CCND3: variants seen among roughly 807,000 people sequenced by gnomAD.
CCND3 encodes the protein cyclin D3.
Under a neutral mutation model 28.7 loss-of-function variants are expected in CCND3, and 9 were observed. The ratio of observed to expected loss-of-function variants is 0.31; its 90% CI spans 0.19 to 0.55. The LOEUF (loss-of-function observed/expected upper bound fraction) is 0.55. Ranked by LOEUF, CCND3 falls within the 20% of genes least tolerant of loss-of-function variation. The pLI, the probability that CCND3 is intolerant of heterozygous loss-of-function variation, is 0.93. For missense variants in CCND3, 315 were observed against 385.8 expected (o/e 0.82, Z 1.54); for synonymous variants, 164 against 163.9 (o/e 1.00, Z 0.00).
intron 1 of CCND3, among the ~76,000 whole-genome samples, chr6:42,038,672 T>C (rs1430438772): frequency 1.3e-5 from 2 of 152,078 alleles, no homozygotes; most frequent in South Asian, 2.1e-4. Context: ...AGAAAAAGAA[T>C]AAGAAATAAG....
At chr6:41,980,297 G>A (rs1762308016) in intron 1 of CCND3, among the ~76,000 whole-genome samples, 3 of 151,932 alleles carry the variant, frequency 2.0e-5, no homozygotes, top group Non-Finnish European at 4.4e-5. Context: ...CACCACTCCT[G>A]GCTAATTTTT....
chr6:41,946,144 G>A (rs1776162074), upstream of CCND3, among the ~76,000 whole-genome samples: 1 of 152,130 alleles, frequency 6.6e-6, no homozygotes, highest in South Asian at 2.1e-4. Flanking sequence ...CCACCTCTCT[G>A]TGCCTCAGTT....
intron 1 of CCND3, among the ~76,000 whole-genome samples, chr6:41,999,705 T>G (rs4711695): frequency 0.98 from 149,063 of 152,134 alleles, 73,095 homozygotes; most frequent in East Asian, 1. Flanking sequence ...GATCAGCCTG[T>G]CAACATAGTG....
intron 1 of CCND3, among the ~76,000 whole-genome samples, chr6:42,037,679 A>G (rs1043028916): frequency 1.3e-5 from 2 of 152,192 alleles, no homozygotes; most frequent in East Asian, 3.8e-4. Flanking sequence ...TCAAAAGCTT[A>G]TATTATTTAT....
intron 1 of CCND3, among the ~76,000 whole-genome samples, chr6:42,019,000 A>G (rs993219354): frequency 6.6e-6 from 1 of 152,150 alleles, no homozygotes; most frequent in Non-Finnish European, 1.5e-5. Context: ...TTGATTAATC[A>G]ATGGAACATT....
chr6:41,953,078 C>A (rs1776352443), intron 1 of CCND3, among the ~76,000 whole-genome samples: 1 of 152,050 alleles, frequency 6.6e-6, no homozygotes, highest in Non-Finnish European at 1.5e-5. Flanking sequence ...TTAAGACCAG[C>A]CTGGCCGATA....
intron 1 of CCND3, among the ~76,000 whole-genome samples, chr6:41,976,595 G>A (rs1216141632): frequency 2.0e-5 from 3 of 152,240 alleles, no homozygotes; most frequent in African/African-American, 7.2e-5. Context: ...CAAGGCTACC[G>A]TGAGCCGTGA....
chr6:42,016,597 T>TTA (rs2127430877), intron 1 of CCND3, among the ~76,000 whole-genome samples: 1 of 148,740 alleles, frequency 6.7e-6, no homozygotes, highest in Admixed American at 6.7e-5. Context: ...CTATTACTTT[T>TTA]TTTTTTTTTT....
At chr6:41,972,097 G>A (rs753433130) in intron 1 of CCND3, among the ~76,000 whole-genome samples, 8 of 150,598 alleles carry the variant, frequency 5.3e-5, no homozygotes, top group Non-Finnish European at 8.9e-5. Context: ...GCGTGGTGGC[G>A]GGCGCCTATA....
intron 1 of CCND3, among the ~76,000 whole-genome samples, chr6:41,980,010 T>TCACACACACACACACA (rs58375638): frequency 0.071 from 9,712 of 137,066 alleles, 464 homozygotes; most frequent in Middle Eastern, 0.13. Context: ...GCTTTCAAAA[T>TCACACACACACACACA]CACACACACA....
Position 41,941,129 on chromosome 6 carries a change from A to T in CCND3, c.198+323T>A. ...AGGGTTTTCCAGGCGCGCTCTCCGG[A>T]GAAGGCCGGGAGGCGGAGGGAAGCG... On this transcript the variant is annotated intron_variant, in intron 1 of 4. Coordinates refer to ENST00000372991, the MANE Select transcript of CCND3 (RefSeq NM_001760.5). This position sits in a 1 kb window ranked among gnomAD's most constrained non-coding sequence, Gnocchi z 6.1. 6.7e-7 allele frequency: 1 copy of T among 1,496,978 alleles called. No homozygotes were observed. Among genetic ancestry groups the T allele is most frequent in the Non-Finnish European group, 8.9e-7 (1 of 1,127,898 alleles). The allele number at this position is 1,496,978 out of a possible 1,614,324, so 92.7% of individuals were successfully genotyped here. A position where few individuals can be genotyped will look rare whatever the true frequency, so the allele number is the denominator to read the frequency against.
intron 1 of CCND3, among the ~76,000 whole-genome samples, chr6:42,042,391 GTTC>G (rs1387038157): frequency 2.0e-5 from 3 of 148,638 alleles, no homozygotes; most frequent in African/African-American, 7.5e-5. Flanking sequence ...ACGGAGTTCC[GTTC>G]TTCTTGCCCA....
chr6:41,941,420 C>G lies in CCND3; in HGVS notation c.198+32G>C. 1 of 1,600,796 alleles carries G rather than the reference C, an allele frequency of 6.2e-7. No individual in the cohort carries two copies. Among genetic ancestry groups the G allele is most frequent in the Non-Finnish European group, 8.5e-7 (1 of 1,175,802 alleles). ...GCCCCGGTGTGTCCAGACCCGGGAGCGGTGGGGGAGGGGGACGCGTCCGGG... is the reference window on the plus strand; with the variant it reads ...GCCCCGGTGTGTCCAGACCCGGGAGGGGTGGGGGAGGGGGACGCGTCCGGG... On this transcript the variant is annotated intron_variant, in intron 1 of 4. Coordinates refer to ENST00000372991, the MANE Select transcript of CCND3 (RefSeq NM_001760.5). This position sits in a 1 kb window ranked among gnomAD's most constrained non-coding sequence, Gnocchi z 6.1.
At position 41,935,756 on chromosome 6, in the gene CCND3, G is replaced by A. The variant is rs1242060492; in HGVS notation, c.*184C>T. On this transcript the variant is annotated 3_prime_UTR_variant, in exon 5 of 5. Transcript: ENST00000372991. ...GAGCTTGACTAGCCACCGAAATGCAGACATGGCTGGCCGGGCCCCTTAGTG... is the reference window on the plus strand; with the variant it reads ...GAGCTTGACTAGCCACCGAAATGCAAACATGGCTGGCCGGGCCCCTTAGTG... 4 of 592,914 alleles carry A rather than the reference G, an allele frequency of 6.7e-6. No homozygotes were observed. Among genetic ancestry groups the A allele is most frequent in the Non-Finnish European group, 1.2e-5 (4 of 333,754 alleles). 36.7% of individuals were successfully genotyped at this position (592,914 alleles called of 1,614,324 possible). A position where few individuals can be genotyped will look rare whatever the true frequency, so the allele number is the denominator to read the frequency against.
At chr6:42,045,039 C>T (rs1370612610) in intron 1 of CCND3, among the ~76,000 whole-genome samples, 1 of 149,930 alleles carries the variant, frequency 6.7e-6, no homozygotes, top group Non-Finnish European at 1.5e-5. Context: ...CTGCTGACCT[C>T]GTGATCCGCC....
In CCND3 at chr6:41,970,515, T is replaced by C. The variant is rs984936898; in HGVS notation, c.-45-29930A>G. 2.0e-5 allele frequency among the ~76,000 whole-genome samples: 3 copies of C among 152,264 alleles called. No homozygotes were observed. The South Asian group carries it at 6.2e-4, about 32-fold the overall frequency. On this transcript the variant is annotated intron_variant, in intron 1 of 4. Coordinates refer to the CCND3 transcript ENST00000372988. ...ACAATTGAGACAGTGAGAGGTTCAT[T>C]TGAGGTCACATAGCAGAGTGAATGT...
chr6:41,984,047 A>G (rs569994000), intron 1 of CCND3, among the ~76,000 whole-genome samples: 64 of 152,166 alleles, frequency 4.2e-4, no homozygotes, highest in Non-Finnish European at 7.4e-4. Flanking sequence ...ATTATGAAAT[A>G]TTGATTTTTC....
In CCND3 at chr6:41,941,071, G is replaced by A. The variant is rs1193953999; in HGVS notation, c.198+381C>T. Reference sequence around the variant, plus strand: ...CCGCCAGAACCCCGCGAAAGACACAGGAACCGGCTCCCGGGCGGGGGCGGC... The same window carrying A: ...CCGCCAGAACCCCGCGAAAGACACAAGAACCGGCTCCCGGGCGGGGGCGGC... On this transcript the variant is annotated intron_variant, in intron 1 of 4. Coordinates refer to ENST00000372991, the MANE Select transcript of CCND3 (RefSeq NM_001760.5). The surrounding 1 kb of genome is among the most constrained non-coding windows in gnomAD (Gnocchi z 6.1). The A allele has an allele frequency of 2.5e-6, 4 of 1,572,164 alleles. No homozygotes were observed. The highest frequency in any genetic ancestry group is 2.7e-5 in the African/African-American group (2 of 73,672).
intron 1 of CCND3, among the ~76,000 whole-genome samples, chr6:42,003,618 G>T (rs1049792296): frequency 3.5e-5 from 5 of 143,948 alleles, no homozygotes; most frequent in African/African-American, 5.2e-5. Context: ...GGAATAATGA[G>T]ACAGAAAATA....
Sources: gnomAD v4.1 joint callset for allele counts (sites outside exome capture counted in the v4.1 genomes callset) on GRCh38, gnomAD v4.1.1 for gene constraint, Gnocchi (gnomAD v3.1) non-coding constraint, MANE v1.5 for transcripts, NCBI Gene and HGNC (gene_info 2026-07-23, HGNC 2026-07-21) for gene names.